EYS: variants seen among roughly 807,000 people sequenced by gnomAD.
The protein encoded by EYS is protein eyes shut homolog.
A neutral mutation model predicts 282.1 loss-of-function variants in EYS; 250 were observed. That is an observed-to-expected ratio of 0.89 (90% CI 0.80 to 0.98). EYS has a LOEUF of 0.98. Among genes scored for constraint, EYS ranks in the 50% least tolerant of loss-of-function variants. EYS has a pLI of 0.00. For missense variants in EYS, 4,016 were observed against 3,709.0 expected, an observed-to-expected ratio of 1.08 and a Z score of -2.15; for synonymous variants, 1,355 against 1,282.9, an observed-to-expected ratio of 1.06 and a Z score of -1.20.
At chr6:63,791,391 G>A (rs934876693) in intron 37 of EYS, among the ~76,000 whole-genome samples, 1 of 152,046 alleles carries the variant, frequency 6.6e-6, no homozygotes, top group Non-Finnish European at 1.5e-5. Context: ...TGGCTAACAC[G>A]GTGAAACCCC....
At chr6:64,589,591 T>C (rs1766334826) in intron 26 of EYS, among the ~76,000 whole-genome samples, 1 of 152,098 alleles carries the variant, frequency 6.6e-6, no homozygotes, top group South Asian at 2.1e-4. Context: ...GTAAGAACTG[T>C]TATATGAGAA....
intron 13 of EYS, among the ~76,000 whole-genome samples, chr6:65,046,998 C>A (rs1339991790): frequency 6.6e-6 from 1 of 151,790 alleles, no homozygotes; most frequent in Non-Finnish European, 1.5e-5. Context: ...TGAAGTTGTG[C>A]TTGCTTCCCC....
At chr6:64,109,395 C>T (rs1773134305) in intron 31 of EYS, among the ~76,000 whole-genome samples, 1 of 151,926 alleles carries the variant, frequency 6.6e-6, no homozygotes, top group South Asian at 2.1e-4. Context: ...TCTTTCATTT[C>T]TTTGAAACCT....
At chr6:63,729,855 A>G (rs1247347508) in intron 41 of EYS, among the ~76,000 whole-genome samples, 2 of 152,070 alleles carry the variant, frequency 1.3e-5, no homozygotes, top group Non-Finnish European at 2.9e-5. Context: ...GTGACCTCTC[A>G]TCTAATTCCA....
At chr6:64,708,554 T>G (rs1187280789) in intron 22 of EYS, among the ~76,000 whole-genome samples, 1 of 152,212 alleles carries the variant, frequency 6.6e-6, no homozygotes. Context: ...AGAGTCAATA[T>G]TCTGGACAAT....
intron 22 of EYS, among the ~76,000 whole-genome samples, chr6:64,683,826 G>A (rs569877692): frequency 2.0e-5 from 3 of 152,264 alleles, no homozygotes; most frequent in African/African-American, 7.2e-5. Flanking sequence ...CACTAGGGTT[G>A]GGACCATGAG....
intron 15 of EYS, among the ~76,000 whole-genome samples, chr6:64,919,264 C>G (rs189918365): frequency 6.6e-6 from 1 of 152,000 alleles, no homozygotes; most frequent in Non-Finnish European, 1.5e-5. Context: ...TTCTGCTGCC[C>G]GGGTTCAAGC....
rs201071916 is a variant in EYS at position 63,893,013 on chromosome 6, CA to C, written c.7056-28656del. On this transcript the variant is annotated intron_variant, in intron 35 of 42. Coordinates refer to ENST00000503581, the MANE Select transcript of EYS (RefSeq NM_001142800.2). The stretch of plus-strand genomic sequence containing the variant: ...CACTGGTCATTAAAGAAATACAAAT[CA>C]AAACCACAATGAGATACCACCTTAC... Among the ~76,000 whole-genome samples the C allele has an allele frequency of 7.1e-3, 1,086 of 152,254 alleles. 17 individuals are homozygous for C. Among genetic ancestry groups the C allele is most frequent in the South Asian group, 0.025 (119 of 4,822 alleles).
chr6:65,094,804 T>C (rs2150179956), intron 12 of EYS, among the ~76,000 whole-genome samples: 1 of 150,666 alleles, frequency 6.6e-6, no homozygotes, highest in East Asian at 1.9e-4. Context: ...ACTCTATACC[T>C]CAAGAAGCTG....
At chr6:64,534,365 A>G (rs571876600) in intron 26 of EYS, among the ~76,000 whole-genome samples, 1 of 152,200 alleles carries the variant, frequency 6.6e-6, no homozygotes, top group Non-Finnish European at 1.5e-5. Flanking sequence ...TTATCAGAGA[A>G]CATAAATATA....
In EYS at chr6:64,705,872, TATACCTA is replaced by T. The variant is rs1238760494; in HGVS notation, c.3444-79634_3444-79628del. On this transcript the variant is annotated intron_variant, in intron 22 of 42. Coordinates refer to ENST00000503581, the MANE Select transcript of EYS (RefSeq NM_001142800.2). ...AGGGGGGAGGGATAGCATTGGGAGA[TATACCTA>T]ATGCTAGATGACGAGTTAGAGGGTG... Among the ~76,000 whole-genome samples the T allele has an allele frequency of 2.1e-5, 3 of 144,248 alleles. No individual in the cohort carries two copies. The East Asian group carries it at 6.3e-4, about 31-fold the overall frequency. 94.6% of individuals were successfully genotyped at this position (144,248 alleles called of 152,430 possible).
chr6:65,461,056 T>C (rs1268269182), intron 5 of EYS, among the ~76,000 whole-genome samples: 4 of 152,258 alleles, frequency 2.6e-5, no homozygotes, highest in South Asian at 4.1e-4. Context: ...ATATTATGAT[T>C]CTCTATTCAG....
At chr6:64,475,240 G>A (rs1172321438) in intron 26 of EYS, among the ~76,000 whole-genome samples, 1 of 152,062 alleles carries the variant, frequency 6.6e-6, no homozygotes, top group Non-Finnish European at 1.5e-5. Flanking sequence ...CTACTTCATA[G>A]TTTGCTCTGA....
intron 41 of EYS, among the ~76,000 whole-genome samples, chr6:63,748,500 T>C (rs1225541424): frequency 6.6e-6 from 1 of 152,194 alleles, no homozygotes; most frequent in Non-Finnish European, 1.5e-5. Flanking sequence ...GCTGGTCTCA[T>C]AGAATGAGTT....
At chr6:64,663,204 A>G (rs7764399) in intron 22 of EYS, among the ~76,000 whole-genome samples, 97,198 of 151,924 alleles carry the variant, frequency 0.64, 31,323 homozygotes, top group African/African-American at 0.71. Flanking sequence ...ACTGACAACA[A>G]TAATTATGTA....
intron 13 of EYS, among the ~76,000 whole-genome samples, chr6:65,039,945 G>A (rs1438145233): frequency 6.6e-6 from 1 of 151,652 alleles, no homozygotes; most frequent in Admixed American, 6.6e-5. Context: ...ACTCTGAAAT[G>A]TTTGCACGAT....
chr6:65,628,950 G>T (rs1562298206), intron 2 of EYS, among the ~76,000 whole-genome samples: 1 of 152,112 alleles, frequency 6.6e-6, no homozygotes. Flanking sequence ...GAATTTTAGG[G>T]GTGTGTAGGG....
At chr6:63,739,905 A>G (rs1347908201) in intron 41 of EYS, among the ~76,000 whole-genome samples, 9 of 145,152 alleles carry the variant, frequency 6.2e-5, no homozygotes, top group Non-Finnish European at 1.2e-4. Flanking sequence ...TTGCCATGTT[A>G]GCCAGGCTGG....
intron 35 of EYS, among the ~76,000 whole-genome samples, chr6:63,922,444 T>G (rs1764599183): frequency 6.6e-6 from 1 of 152,060 alleles, no homozygotes; most frequent in Non-Finnish European, 1.5e-5. Context: ...GTGCCTGTAA[T>G]CCCAACTACT....
Sources: gnomAD v4.1 joint callset for allele counts (sites outside exome capture counted in the v4.1 genomes callset) on GRCh38, gnomAD v4.1.1 for gene constraint, MANE v1.5 for transcripts, NCBI Gene and HGNC (gene_info 2026-07-23, HGNC 2026-07-21) for gene names.